Variants in MICAL2 observed in about 807,000 individuals in gnomAD.
The protein encoded by MICAL2 is microtubule associated monooxygenase, calponin and LIM domain containing 2.
A neutral mutation model predicts 127.3 loss-of-function variants in MICAL2; 77 were observed. The observed-to-expected ratio is 0.60, with a 90% confidence interval of 0.50 to 0.73. The LOEUF is 0.73. MICAL2 is among the 30% of genes least tolerant of loss of function. The pLI is 0.00. For missense variants in MICAL2, 1,351 were observed against 1,434.4 expected (o/e 0.94, Z 0.94); for synonymous variants, 570 against 551.1 (o/e 1.03, Z -0.48).
chr11:12,250,923 G>C (rs537708447), intron 22 of MICAL2, among the ~76,000 whole-genome samples: 2 of 152,292 alleles, frequency 1.3e-5, no homozygotes, highest in South Asian at 4.1e-4. Flanking sequence ...CTCTAACCCT[G>C]AGGTCCACAC....
intron 21 of MICAL2, 51 bp downstream of exon 21, chr11:12,244,163 G>A (rs1860372414): frequency 3.1e-6 from 5 of 1,607,910 alleles, no homozygotes; most frequent in Admixed American, 1.7e-5. Flanking sequence ...GTTCCCAGAT[G>A]TTCTCATGCT....
chr11:12,257,990 C>T (rs559274569), intron 24 of MICAL2, among the ~76,000 whole-genome samples: 11 of 152,294 alleles, frequency 7.2e-5, no homozygotes, highest in African/African-American at 2.2e-4. Context: ...TGTTCATACT[C>T]GAAGCTGTCC....
At chr11:12,159,629 T>C (rs1291067552) in intron 2 of MICAL2, among the ~76,000 whole-genome samples, 1 of 152,360 alleles carries the variant, frequency 6.6e-6, no homozygotes, top group African/African-American at 2.4e-5. Context: ...CAGAAAAGAC[T>C]GTAGTGTAGC....
At chr11:12,234,097 C>G (rs376712038) in intron 15 of MICAL2, among the ~76,000 whole-genome samples, 18 of 152,244 alleles carry the variant, frequency 1.2e-4, no homozygotes, top group African/African-American at 4.3e-4. Context: ...CTTTATTCCC[C>G]CTGAAGGATT....
At chr11:12,142,040 C>G (rs1447294459) in intron 2 of MICAL2, among the ~76,000 whole-genome samples, 2 of 152,240 alleles carry the variant, frequency 1.3e-5, no homozygotes, top group African/African-American at 2.4e-5. Flanking sequence ...ATAGCGCAAG[C>G]TGGTGGTAGA....
Position 12,142,945 on chromosome 11 carries a change from ATGGGACTTCCAAAT to A in MICAL2, c.-78+4486_-78+4499del, listed in dbSNP as rs557745709. Among the ~76,000 whole-genome samples the A allele has an allele frequency of 4.0e-3, 614 of 152,352 alleles. 2 individuals are homozygous for A. Among genetic ancestry groups the A allele is most frequent in the Admixed American group, 6.5e-3 (100 of 15,308 alleles). On this transcript the variant is annotated intron_variant, in intron 2 of 27. Coordinates refer to ENST00000683283, the MANE Select transcript of MICAL2 (RefSeq NM_001282663.2). ...TTGACTGAAGCGTCAAACATTTATCATGGGACTTCCAAATGCCAGGTCCTGGGCTTGGTTCTTGG... is the reference window on the plus strand; with the variant it reads ...TTGACTGAAGCGTCAAACATTTATCAGCCAGGTCCTGGGCTTGGTTCTTGG...
At chr11:12,255,492 T>G (rs980578165) in intron 22 of MICAL2, 151 bp from the exon 23 acceptor site, 2 of 648,308 alleles carry the variant, frequency 3.1e-6, no homozygotes, top group Non-Finnish European at 5.6e-6. Context: ...CGCGTTCTGC[T>G]CCTGGCTGGT....
At chr11:12,115,482 T>C (rs559285560) in intron 1 of MICAL2, among the ~76,000 whole-genome samples, 1 of 152,144 alleles carries the variant, frequency 6.6e-6, no homozygotes, top group Non-Finnish European at 1.5e-5. Flanking sequence ...GGCTTTTAAT[T>C]TTTATTTTTT....
At chr11:12,222,509 A>G (rs1250031292) in intron 10 of MICAL2, 108 bp from the exon 11 acceptor site, 9 of 1,430,332 alleles carry the variant, frequency 6.3e-6, no homozygotes, top group Non-Finnish European at 8.6e-6. Context: ...TTAGACAAAC[A>G]TGTCCAGGAA....
chr11:12,154,205 A>T (rs1230909117), intron 2 of MICAL2, among the ~76,000 whole-genome samples: 2 of 152,184 alleles, frequency 1.3e-5, no homozygotes, highest in African/African-American at 4.8e-5. Flanking sequence ...ATTTAAGCTA[A>T]TTCCTTAAAT....
chr11:12,223,694 A>G (rs1857086232), intron 12 of MICAL2, among the ~76,000 whole-genome samples, 193 bp downstream of exon 12: 1 of 152,188 alleles, frequency 6.6e-6, no homozygotes, highest in Admixed American at 6.5e-5. Flanking sequence ...ACCCCTGCCC[A>G]GAGAATCATT....
chr11:12,119,155 C>T (rs934538439), intron 1 of MICAL2, among the ~76,000 whole-genome samples: 3 of 152,134 alleles, frequency 2.0e-5, no homozygotes, highest in African/African-American at 7.2e-5. Context: ...TCTGGGTTCC[C>T]CCCTCCTCCC....
At chr11:12,242,468 T>C in intron 19 of MICAL2, 36 bp downstream of exon 19, 1 of 1,572,018 alleles carries the variant, frequency 6.4e-7, no homozygotes, top group Non-Finnish European at 8.6e-7. Flanking sequence ...TCTGTCCGTG[T>C]CTGGGTGACT....
chr11:12,352,931 T>A (rs1277033747), intron 33 of MICAL2, among the ~76,000 whole-genome samples: 1 of 152,196 alleles, frequency 6.6e-6, no homozygotes, highest in Admixed American at 6.5e-5. Context: ...ACGGGGCAAC[T>A]GCAGCACCTC....
At chr11:12,208,597 A>G (rs1023666485) in intron 5 of MICAL2, among the ~76,000 whole-genome samples, 4 of 152,250 alleles carry the variant, frequency 2.6e-5, no homozygotes, top group Non-Finnish European at 5.9e-5. Flanking sequence ...TTTGGTATAT[A>G]ATACTCTTAA....
intron 3 of MICAL2, among the ~76,000 whole-genome samples, chr11:12,186,593 A>T (rs148454526): frequency 6.6e-6 from 1 of 152,238 alleles, no homozygotes; most frequent in East Asian, 1.9e-4. Context: ...CCTGTAGTAT[A>T]GTGGAAATAA....
downstream of MICAL2, among the ~76,000 whole-genome samples, chr11:12,264,350 C>T (rs1376008807): frequency 1.3e-5 from 2 of 152,164 alleles, no homozygotes; most frequent in Non-Finnish European, 2.9e-5. Flanking sequence ...TCTCCTGTCC[C>T]AAAGGCTCAG....
intron 32 of MICAL2, among the ~76,000 whole-genome samples, chr11:12,342,887 C>A (rs999766023): frequency 1.3e-5 from 2 of 152,186 alleles, no homozygotes; most frequent in South Asian, 2.1e-4. Context: ...GGCAATGCTG[C>A]CTTCGTCAGG....
intron 3 of MICAL2, among the ~76,000 whole-genome samples, chr11:12,189,583 C>T (rs913487683): frequency 2.1e-4 from 32 of 152,304 alleles, no homozygotes; most frequent in South Asian, 2.1e-4. Context: ...CCTAACCTAC[C>T]TTATCTCACC....
Sources: gnomAD v4.1 joint callset for allele counts (sites outside exome capture counted in the v4.1 genomes callset) on GRCh38, gnomAD v4.1.1 for gene constraint, MANE v1.5 for transcripts, NCBI Gene and HGNC (gene_info 2026-07-23, HGNC 2026-07-21) for gene names.